Variants in TBC1D9B observed in about 807,000 individuals in gnomAD.
TBC1D9B encodes the protein TBC1 domain family, member 9B (with GRAM domain).
Under a neutral mutation model 121.1 loss-of-function variants are expected in TBC1D9B, and 87 were observed. That is an observed-to-expected ratio of 0.72 (90% confidence interval 0.60 to 0.86). The LOEUF (loss-of-function observed/expected upper bound fraction) is 0.86, where lower values mean the gene tolerates loss of function less well. TBC1D9B is among the 40% of genes least tolerant of loss of function. TBC1D9B has a pLI of 0.00. For synonymous variants in TBC1D9B, 668 were observed against 670.1 expected (o/e 1.00, Z 0.05); for missense variants, 1,540 against 1,628.6 (o/e 0.95, Z 0.94).
At chr5:179,895,922 C>T (rs1344741059) in intron 3 of TBC1D9B, among the ~76,000 whole-genome samples, 1 of 152,218 alleles carries the variant, frequency 6.6e-6, no homozygotes, top group Non-Finnish European at 1.5e-5. Flanking sequence ...TAGCAGCAAA[C>T]ACAGGAAAAG....
intron 7 of TBC1D9B, among the ~76,000 whole-genome samples, chr5:179,887,325 C>T (rs529386420): frequency 2.6e-5 from 4 of 152,356 alleles, no homozygotes; most frequent in Admixed American, 1.3e-4. Flanking sequence ...TGCCCACAGG[C>T]GGACCTGCCA....
chr5:179,889,167 C>T (rs1278228741), intron 6 of TBC1D9B, among the ~76,000 whole-genome samples: 2 of 151,972 alleles, frequency 1.3e-5, no homozygotes, highest in East Asian at 1.9e-4. Flanking sequence ...GTAGCTGGGA[C>T]CACAGGTGCC....
rs60471704 is a variant in TBC1D9B, at chr5:179,898,152, CT to C, written c.348+1036del. Among the ~76,000 whole-genome samples, 1,131 of 138,214 alleles carry C rather than the reference CT, an allele frequency of 8.2e-3. 7 individuals carry two copies. Among genetic ancestry groups the C allele is most frequent in the Non-Finnish European group, 0.011 (737 of 64,410 alleles). 90.7% of individuals were successfully genotyped at this position (138,214 alleles called of 152,430 possible). ...CCAACATGGCAAAACCCCATCTCTA[CT>C]TTTTTTTTTTTTTTTTGAGACGAAG... On this transcript the variant is annotated intron_variant, in intron 3 of 20. Coordinates refer to ENST00000355235, the MANE Select transcript of TBC1D9B (RefSeq NM_015043.4).
chr5:179,870,528 C>T (rs372078327), intron 15 of TBC1D9B, 33 bp from the exon 16 acceptor site: 73 of 1,581,896 alleles, frequency 4.6e-5, no homozygotes, highest in African/African-American at 1.2e-4. Context: ...ACGGTCCAGC[C>T]GCTAAGCCTG....
chr5:179,892,015 G>C (rs1760881381), intron 5 of TBC1D9B, among the ~76,000 whole-genome samples: 1 of 152,198 alleles, frequency 6.6e-6, no homozygotes, highest in Non-Finnish European at 1.5e-5. Context: ...CCTAGGTGAG[G>C]AGCTCCCCAC....
intron 7 of TBC1D9B, among the ~76,000 whole-genome samples, chr5:179,881,645 C>T (rs1760542316): frequency 6.6e-6 from 1 of 152,320 alleles, no homozygotes; most frequent in South Asian, 2.1e-4. Flanking sequence ...GACCTTTATA[C>T]AAAATTTCTT....
rs377765589 is a variant in TBC1D9B, at chr5:179,879,798, T to C, written c.1255-9A>G. ...TGAGGAGCTGGGGAAGACTAGAAAA[T>C]AAAACAGGGAAGGGGACGCCCTAAC... is the stretch of plus-strand genomic sequence containing the variant. On this transcript the variant is annotated splice_polypyrimidine_tract_variant and intron_variant, in intron 7 of 20. Transcript: ENST00000355235. 1.6e-5 allele frequency: 25 copies of C among 1,604,438 alleles called. No individual in the cohort carries two copies. The highest frequency in any genetic ancestry group is 2.1e-5 in the Non-Finnish European group (25 of 1,175,588).
chr5:179,901,906 TA>T (rs1761175929), intron 2 of TBC1D9B, among the ~76,000 whole-genome samples: 1 of 152,358 alleles, frequency 6.6e-6, no homozygotes, highest in South Asian at 2.1e-4. Flanking sequence ...ATTAGAGTAT[TA>T]AATGCTGTTT....
At position 179,862,568 on chromosome 5, in the gene TBC1D9B, A is replaced by G. The variant is rs1361953000; in HGVS notation, c.*880T>C. On this transcript the variant is annotated 3_prime_UTR_variant, in exon 21 of 21. Transcript: ENST00000355235. ...CAGGACCTGCCCAGCTTGCACCAGC[A>G]GGTTCTGCGTCTCCATCTGACCTGG... 2.4e-5 allele frequency: 11 copies of G among 456,406 alleles called. No individual in the cohort carries two copies. In the Admixed American group the frequency reaches 2.6e-4, roughly 11 times the overall value. 28.3% of individuals were successfully genotyped at this position (456,406 alleles called of 1,614,324 possible).
Position 179,902,507 on chromosome 5 carries a change from TGCA to T in TBC1D9B, c.229+2192_229+2194del, listed in dbSNP as rs1440909772. Among the ~76,000 whole-genome samples, 2 of 152,108 alleles carry T rather than the reference TGCA, an allele frequency of 1.3e-5. No homozygotes were observed. Among genetic ancestry groups the T allele is most frequent in the Non-Finnish European group, 2.9e-5 (2 of 68,000 alleles). The stretch of plus-strand genomic sequence containing the variant: ...GAAAGGGAGGCACAGCCAGGGCCAG[TGCA>T]GGGCTTTGGGCCTGGCAGGAGGGGA... On this transcript the variant is annotated intron_variant, in intron 2 of 20. Coordinates refer to ENST00000355235, the MANE Select transcript of TBC1D9B (RefSeq NM_015043.4). This position sits in a 1 kb window ranked among gnomAD's most constrained non-coding sequence, Gnocchi z 4.9.
At chr5:179,887,949 T>C in intron 7 of TBC1D9B, 154 bp downstream of exon 7, 1 of 890,236 alleles carries the variant, frequency 1.1e-6, no homozygotes, top group Non-Finnish European at 1.8e-6. Flanking sequence ...AGTGTGGGTC[T>C]GGGCTAGGGG....
At chr5:179,871,374 T>C (rs1760193603) in intron 15 of TBC1D9B, 88 bp downstream of exon 15, 1 of 1,304,690 alleles carries the variant, frequency 7.7e-7, no homozygotes, top group East Asian at 2.4e-5. Flanking sequence ...TTCTATCTAC[T>C]TCTAAGAGGA....
chr5:179,906,315 G>T (rs888318647), intron 1 of TBC1D9B, among the ~76,000 whole-genome samples: 3 of 152,106 alleles, frequency 2.0e-5, no homozygotes, highest in Non-Finnish European at 4.4e-5. Context: ...GGTTCCCTTG[G>T]GGGGACCCTG....
rs1277954811 is a variant in TBC1D9B, at chr5:179,904,434, C to CCAGG, written c.229+264_229+267dup. Among the ~76,000 whole-genome samples the CCAGG allele has an allele frequency of 6.6e-6, 1 of 152,074 alleles. No homozygotes were observed. The highest frequency in any genetic ancestry group is 1.5e-5 in the Non-Finnish European group (1 of 68,014). ...TAGAGACGTGGTTTCACCGTGTTAG[C>CCAGG]CAGGATGGTCTCGATCTCCTGACCT... On this transcript the variant is annotated intron_variant, in intron 2 of 20. Transcript: ENST00000355235. This position sits in a 1 kb window ranked among gnomAD's most constrained non-coding sequence, Gnocchi z 4.2.
chr5:179,889,610 C>T (rs1263224967), intron 6 of TBC1D9B, among the ~76,000 whole-genome samples: 2 of 152,014 alleles, frequency 1.3e-5, no homozygotes, highest in African/African-American at 2.4e-5. Context: ...TGTGGCGGCT[C>T]AGGCCTGTAA....
chr5:179,899,346 T>C, intron 2 of TBC1D9B, 39 bp from the exon 3 acceptor site: 1 of 1,567,074 alleles, frequency 6.4e-7, no homozygotes, highest in Non-Finnish European at 8.8e-7. Context: ...AAATCATGAA[T>C]TCCCCAGGCC....
intron 2 of TBC1D9B, among the ~76,000 whole-genome samples, chr5:179,901,960 G>A (rs1208855705): frequency 6.6e-6 from 1 of 152,132 alleles, no homozygotes; most frequent in Non-Finnish European, 1.5e-5. Context: ...TTCATTCTCA[G>A]AACACAGTGG....
chr5:179,893,515 G>A (rs376126646), intron 4 of TBC1D9B, 48 bp from the exon 5 acceptor site: 31 of 1,550,798 alleles, frequency 2.0e-5, no homozygotes, highest in Admixed American at 9.1e-5. Flanking sequence ...CTGGCAGGGC[G>A]AGGCTCCTGA....
intron 18 of TBC1D9B, 153 bp from the exon 19 acceptor site, chr5:179,866,041 G>T: frequency 1.2e-6 from 1 of 831,066 alleles, no homozygotes; most frequent in South Asian, 1.6e-5. Flanking sequence ...CCTCCTGCCT[G>T]GCCCGCCCAG....
Sources: allele counts gnomAD v4.1 joint callset (sites outside exome capture counted in the v4.1 genomes callset), GRCh38; gene constraint gnomAD v4.1.1; non-coding constraint Gnocchi (gnomAD v3.1); transcripts MANE v1.5; gene names NCBI Gene and HGNC (gene_info 2026-07-23, HGNC 2026-07-21).